Variants in TYR observed in about 807,000 individuals in gnomAD.
TYR encodes LB24-AB.
TYR carries 58 observed loss-of-function variants against 51.5 expected under a neutral mutation model. The ratio of observed to expected loss-of-function variants is 1.13; its 90% CI spans 0.91 to 1.40. The LOEUF (loss-of-function observed/expected upper bound fraction) is 1.40, where lower values mean the gene tolerates loss of function less well. Ranked by LOEUF, TYR falls within the 40% of genes most tolerant of loss-of-function variation. The pLI, the probability that TYR is intolerant of heterozygous loss-of-function variation, is 0.00. For missense variants in TYR, 732 were observed against 647.4 expected, an observed-to-expected ratio of 1.13 and a Z score of -1.42; for synonymous variants, 263 against 235.2, an observed-to-expected ratio of 1.12 and a Z score of -1.08.
chr11:89,274,111 G>A (rs777865278), intron 3 of TYR, among the ~76,000 whole-genome samples: 7 of 151,872 alleles, frequency 4.6e-5, no homozygotes, highest in Non-Finnish European at 7.4e-5. Context: ...GAAGAGTGGA[G>A]CACATGAAGT....
intron 4 of TYR, 127 bp from the exon 5 acceptor site, chr11:89,295,016 T>C: frequency 6.8e-7 from 1 of 1,475,784 alleles, no homozygotes; most frequent in Non-Finnish European, 9.2e-7. Flanking sequence ...GCTCTTACAG[T>C]TAATAAGTAG....
intron 4 of TYR, among the ~76,000 whole-genome samples, chr11:89,292,047 T>C (rs968226847): frequency 2.6e-5 from 4 of 152,054 alleles, no homozygotes; most frequent in African/African-American, 9.7e-5. Context: ...GACTTTTTTT[T>C]TCATTTTAAA....
chr11:89,258,655 T>C (rs1395233912), intron 3 of TYR, among the ~76,000 whole-genome samples: 1 of 152,060 alleles, frequency 6.6e-6, no homozygotes, highest in Non-Finnish European at 1.5e-5. Flanking sequence ...AGATATTGGG[T>C]GAATTTAAGA....
chr11:89,282,436 G>C (rs1944730647), intron 3 of TYR, among the ~76,000 whole-genome samples: 1 of 151,710 alleles, frequency 6.6e-6, no homozygotes, highest in Non-Finnish European at 1.5e-5. Context: ...TCTATAATGT[G>C]ATTTCCTTTT....
At chr11:89,226,129 A>G (rs1943973017) in intron 2 of TYR, among the ~76,000 whole-genome samples, 1 of 152,072 alleles carries the variant, frequency 6.6e-6, no homozygotes, top group African/African-American at 2.4e-5. Context: ...CAGAGATAAA[A>G]TCTTGAAAAC....
intron 3 of TYR, among the ~76,000 whole-genome samples, chr11:89,236,623 G>A (rs913721244): frequency 6.6e-6 from 1 of 152,144 alleles, no homozygotes; most frequent in East Asian, 1.9e-4. Flanking sequence ...TGGCATCTGA[G>A]CCATCCTCTC....
chr11:89,183,078 T>C (rs1366275662), intron 1 of TYR, among the ~76,000 whole-genome samples: 1 of 152,154 alleles, frequency 6.6e-6, no homozygotes, highest in Non-Finnish European at 1.5e-5. Flanking sequence ...TGGAATGTCA[T>C]ACGGTTTACA....
At position 89,295,329 on chromosome 11, in the gene TYR, A is replaced by G; in HGVS notation, c.1553A>G (p.Lys518Arg). 6.2e-7 allele frequency: 1 copy of G among 1,613,524 alleles called. No homozygotes were observed. Among genetic ancestry groups the G allele is most frequent in the Non-Finnish European group, 8.5e-7 (1 of 1,179,638 alleles). The change falls in exon 5 of 5, where the codon AAA becomes AGA. Residue 518 changes from lysine to arginine, a missense_variant. Physicochemically the swap from Lys to Arg is conservative, Grantham distance 26. Coordinates refer to ENST00000263321, the MANE Select transcript of TYR (RefSeq NM_000372.5). Reference protein sequence around the residue: ...PEEKQPLLMEKEDYHSLYQSH... With the variant: ...PEEKQPLLMEREDYHSLYQSH... ...GAAAAGCAGCCACTCCTCATGGAGA[A>G]AGAGGATTACCACAGCTTGTATCAG...
chr11:89,287,808 A>G lies in TYR; in HGVS notation c.1366+2854A>G, dbSNP rs1395431309. On this transcript the variant is annotated intron_variant, in intron 4 of 4. Coordinates refer to ENST00000263321, the MANE Select transcript of TYR (RefSeq NM_000372.5). ...GAAAGCACATGCAGAAAGCCAGTGAAAATGCTATTATAAGAGTCTGAGGAA... is the reference window on the plus strand; with the variant it reads ...GAAAGCACATGCAGAAAGCCAGTGAGAATGCTATTATAAGAGTCTGAGGAA... Among the ~76,000 whole-genome samples the G allele has an allele frequency of 2.6e-5, 4 of 152,110 alleles. No homozygotes were observed. The South Asian group carries it at 6.2e-4, about 24-fold the overall frequency.
chr11:89,199,223 G>A (rs568428492), intron 2 of TYR, among the ~76,000 whole-genome samples: 2 of 152,116 alleles, frequency 1.3e-5, no homozygotes, highest in African/African-American at 4.8e-5. Context: ...ATAAACATAT[G>A]TGTGCGTCTT....
chr11:89,194,835 A>G (rs1279917343), intron 2 of TYR, among the ~76,000 whole-genome samples: 1 of 152,182 alleles, frequency 6.6e-6, no homozygotes, highest in Non-Finnish European at 1.5e-5. Context: ...CATTTCATAT[A>G]CACATTTTTT....
chr11:89,255,404 T>C (rs1321982300), intron 3 of TYR, among the ~76,000 whole-genome samples: 1 of 151,390 alleles, frequency 6.6e-6, no homozygotes, highest in Non-Finnish European at 1.5e-5. Context: ...TAATGAAAAA[T>C]AAATTAAATA....
intron 3 of TYR, among the ~76,000 whole-genome samples, chr11:89,254,954 T>TA (rs968563012): frequency 4.0e-5 from 6 of 151,666 alleles, no homozygotes; most frequent in African/African-American, 1.4e-4. Flanking sequence ...TTAAAGGTTG[T>TA]AAACCTTCCT....
chr11:89,278,807 G>A (rs1464965058), intron 3 of TYR, among the ~76,000 whole-genome samples: 1 of 151,640 alleles, frequency 6.6e-6, no homozygotes, highest in African/African-American at 2.4e-5. Context: ...TCTGCTCCAG[G>A]ATCCCACCCA....
intron 3 of TYR, among the ~76,000 whole-genome samples, chr11:89,257,548 C>T (rs543456798): frequency 1.9e-4 from 29 of 151,884 alleles, no homozygotes; most frequent in Admixed American, 4.6e-4. Flanking sequence ...GATTAAATAT[C>T]GTTGATCACA....
intron 2 of TYR, among the ~76,000 whole-genome samples, chr11:89,211,700 A>G (rs897601132): frequency 3.3e-5 from 5 of 152,236 alleles, no homozygotes; most frequent in African/African-American, 4.8e-5. Context: ...AATTGGAAGT[A>G]AAACACTCCA....
At chr11:89,253,027 T>C (rs566368118) in intron 3 of TYR, among the ~76,000 whole-genome samples, 2 of 151,892 alleles carry the variant, frequency 1.3e-5, no homozygotes, top group Admixed American at 1.3e-4. Context: ...TACATGACTT[T>C]ATTTCTTCTT....
chr11:89,249,699 C>G (rs1375346370), intron 3 of TYR, among the ~76,000 whole-genome samples: 1 of 151,724 alleles, frequency 6.6e-6, no homozygotes, highest in Non-Finnish European at 1.5e-5. Context: ...AAGTGGGAAG[C>G]AGGAAAGAGG....
At chr11:89,188,138 C>T (rs1943400559) in intron 1 of TYR, among the ~76,000 whole-genome samples, 1 of 150,950 alleles carries the variant, frequency 6.6e-6, no homozygotes, top group Non-Finnish European at 1.5e-5. Context: ...TAGACCTACT[C>T]CACTAGAAGG....
Sources: gnomAD v4.1 joint callset for allele counts (sites outside exome capture counted in the v4.1 genomes callset) on GRCh38, gnomAD v4.1.1 for gene constraint, MANE v1.5 for transcripts, NCBI Gene and HGNC (gene_info 2026-07-23, HGNC 2026-07-21) for gene names.